The following ERN2 variants were observed in gnomAD, a reference collection of about 807,000 sequenced individuals.
ERN2 encodes the protein serine/threonine-protein kinase/endoribonuclease IRE2.
A neutral mutation model predicts 107.9 loss-of-function variants in ERN2; 111 were observed. That is an observed-to-expected ratio of 1.03 (90% CI 0.88 to 1.20). The LOEUF is 1.20. ERN2 is among the 50% of genes most tolerant of loss of function. The pLI is 0.00. For missense variants in ERN2, 1,225 were observed against 1,197.9 expected, an observed-to-expected ratio of 1.02 and a Z score of -0.33; for synonymous variants, 524 against 501.7, an observed-to-expected ratio of 1.04 and a Z score of -0.59.
At chr16:23,697,425 A>T (rs1959874891) in intron 13 of ERN2, 1 of 152,168 alleles carries the variant, frequency 6.6e-6, no homozygotes, top group Non-Finnish European at 1.5e-5. Flanking sequence ...GAGAGCAGGG[A>T]CAGAGCTGCT....
rs777734674 is a variant in ERN2 at position 23,710,901 on chromosome 16, C to A, written c.199+12G>T. On this transcript the variant is annotated intron_variant, in intron 2 of 21. Transcript: ENST00000256797. ...GGGCCCAAGGAGGGAGGAGGGACCACCTCTTGCTCACCATCCCTCAGAGTC... is the reference window on the plus strand; with the variant it reads ...GGGCCCAAGGAGGGAGGAGGGACCAACTCTTGCTCACCATCCCTCAGAGTC... 33 of 1,590,408 alleles carry A rather than the reference C, an allele frequency of 2.1e-5. No individual in the cohort carries two copies. Among genetic ancestry groups the A allele is most frequent in the Non-Finnish European group, 2.8e-5 (32 of 1,158,366 alleles).
chr16:23,699,545 T>G (rs999449268), intron 13 of ERN2, among the ~76,000 whole-genome samples: 3 of 152,178 alleles, frequency 2.0e-5, no homozygotes, highest in Non-Finnish European at 4.4e-5. Context: ...TGCCTTAGCC[T>G]TCTGAGTAGC....
At chr16:23,693,414 C>A (rs1959677843) in intron 17 of ERN2, among the ~76,000 whole-genome samples, 1 of 151,834 alleles carries the variant, frequency 6.6e-6, no homozygotes, top group Non-Finnish European at 1.5e-5. Flanking sequence ...ATGGCATAAA[C>A]CCCATCTCTA....
rs2141002343 is a variant in ERN2, at chr16:23,690,484, T to C, written c.*347A>G. 1 of 460,410 alleles carries C rather than the reference T, an allele frequency of 2.2e-6. No individual in the cohort carries two copies. The highest frequency in any genetic ancestry group is 4.0e-5 in the East Asian group (1 of 25,238). 28.5% of individuals were successfully genotyped at this position (460,410 alleles called of 1,614,324 possible). A position where few individuals can be genotyped will look rare whatever the true frequency, so the allele number is the denominator to read the frequency against. ...TTGTGGGGGAAAGGGGGTGACAGTG[T>C]CTCTCTGTGGACCAGGCTGGAGTGC... is the stretch of plus-strand genomic sequence containing the variant. On this transcript the variant is annotated 3_prime_UTR_variant, in exon 22 of 22. Transcript: ENST00000256797.
intron 13 of ERN2, among the ~76,000 whole-genome samples, chr16:23,697,538 C>G (rs750534308): frequency 1.2e-4 from 18 of 152,098 alleles, no homozygotes; most frequent in Non-Finnish European, 2.4e-4. Context: ...TGTCTGCTCT[C>G]AGTACTCTCG....
rs1960328113 is a variant in ERN2, at chr16:23,706,691, G to A, written c.487+63C>T. The A allele has an allele frequency of 6.0e-6, 7 of 1,158,998 alleles. No homozygotes were observed. The South Asian group carries it at 7.7e-5, about 13-fold the overall frequency. The allele number at this position is 1,158,998 out of a possible 1,614,324, so 71.8% of individuals were successfully genotyped here. ...AATTCAACTTGGTTAGCCACAGCTA[G>A]ATCTCAGCAGAGCAAAAGGGGAGGC... On this transcript the variant is annotated intron_variant, in intron 6 of 21. Coordinates refer to ENST00000256797, the MANE Select transcript of ERN2 (RefSeq NM_033266.4).
chr16:23,698,907 G>C (rs1959934309), intron 13 of ERN2, among the ~76,000 whole-genome samples: 1 of 152,176 alleles, frequency 6.6e-6, no homozygotes, highest in East Asian at 1.9e-4. Context: ...CAAGTTAAAT[G>C]AAAGTTGGCT....
chr16:23,701,716 A>G (rs1025769510), intron 11 of ERN2, among the ~76,000 whole-genome samples: 1 of 151,714 alleles, frequency 6.6e-6, no homozygotes, highest in African/African-American at 2.4e-5. Context: ...TGCAGCCTCA[A>G]ACTCTTGGGC....
chr16:23,690,912 G>A lies in ERN2; in HGVS notation c.2700C>T (p.Cys900=), dbSNP rs56157518. The A allele has an allele frequency of 4.7e-3, 7,575 of 1,614,106 alleles. 24 individuals are homozygous for A. Among genetic ancestry groups the A allele is most frequent in the Non-Finnish European group, 5.9e-3 (7,019 of 1,180,028 alleles). Residue 900 remains cysteine, a synonymous_variant, in exon 22 of 22, where the codon TGC becomes TGT. Transcript: ENST00000256797. ...AGGGCAGGAAGAGGCTCTCAGAGGC[G>A]CAGCTCCTCATGGCTCGGTGCGTGT... The part of the protein sequence containing the change: ...LLHTHRAMRS[C]ASESLFLPYY...
chr16:23,696,015 G>T, intron 13 of ERN2, 37 bp from the exon 14 acceptor site: 1 of 1,514,588 alleles, frequency 6.6e-7, no homozygotes, highest in Non-Finnish European at 9.2e-7. Context: ...GGGAGCCTCT[G>T]CCCACCTTTG....
chr16:23,706,900 T>C (rs948951767), intron 5 of ERN2, 39 bp from the exon 6 acceptor site: 3 of 1,575,168 alleles, frequency 1.9e-6, no homozygotes, highest in Non-Finnish European at 2.6e-6. Flanking sequence ...CAAGTTGGCA[T>C]GGGAAGAGGT....
intron 14 of ERN2, 146 bp downstream of exon 14, chr16:23,695,748 C>G: frequency 4.7e-6 from 1 of 211,052 alleles, no homozygotes; most frequent in Non-Finnish European, 8.6e-6. Flanking sequence ...AAAAAAAAAA[C>G]AGATAAAGGA....
rs771427226 is a variant in ERN2 at position 23,710,188 on chromosome 16, T to A, written c.290A>T (p.Lys97Ile). The change falls in exon 4 of 22, where the codon AAA (lysine) becomes ATA (isoleucine). Residue 97 changes from lysine (K) to isoleucine (I), a missense_variant. By Grantham distance (102) the Lys-to-Ile change is moderately radical. Transcript: ENST00000256797. ...GATACAAACCATTAATCCCTGTTGT[T>A]TTTGGGTCCCCAAGATGTACAGGCT... The part of the protein sequence containing the change: ...DGSLYILGTQ[K>I]QQGLMKLPFT... The A allele has an allele frequency of 2.0e-5, 32 of 1,613,460 alleles. No homozygotes were observed. Among genetic ancestry groups the A allele is most frequent in the Non-Finnish European group, 2.6e-5 (31 of 1,179,504 alleles).
chr16:23,692,017 C>T lies in ERN2; in HGVS notation c.2322G>A (p.Gln774=). The part of the protein sequence containing the change: ...PLPQPRPSAP[Q]VLAHPFFWSR... ...TCCAAAAGAAGGGGTGGGCCAGCAC[C>T]TGGGGGGCAGAGGGGCGTGGCTGCG... is the stretch of plus-strand genomic sequence containing the variant. The change falls in exon 19 of 22, where the codon CAG becomes CAA. Residue 774 remains glutamine, a synonymous_variant. Transcript: ENST00000256797. The T allele has an allele frequency of 1.9e-6, 3 of 1,613,906 alleles. No homozygotes were observed. Among genetic ancestry groups the T allele is most frequent in the Non-Finnish European group, 2.5e-6 (3 of 1,179,966 alleles).
Position 23,706,858 on chromosome 16 carries a change from C to T in ERN2, c.383G>A (p.Arg128Gln), listed in dbSNP as rs534088680. 1.7e-5 allele frequency: 27 copies of T among 1,612,910 alleles called. No homozygotes were observed. The highest frequency in any genetic ancestry group is 1.3e-4 in the Admixed American group (8 of 59,990). The change falls in exon 6 of 22, where the codon CGG becomes CAG. Residue 128 changes from arginine (R) to glutamine (Q), a missense_variant. By Grantham distance (43) the Arg-to-Gln change is conservative (BLOSUM62 1). Coordinates refer to ENST00000256797, the MANE Select transcript of ERN2 (RefSeq NM_033266.4). ...CACCACAAACCAGGCATCCTGCTTC[C>T]GGCCTGTGGAGGTGGAAAGTGTGTT... ...RSSDGVFYTG[R>Q]KQDAWFVVDP...
At chr16:23,701,996 T>A (rs375502499) in intron 11 of ERN2, among the ~76,000 whole-genome samples, 156 bp downstream of exon 11, 1 of 132,886 alleles carries the variant, frequency 7.5e-6, no homozygotes. Context: ...CAACAACAAG[T>A]TGTGTTGTTC....
chr16:23,700,819 C>T (rs1597149221), intron 12 of ERN2, 115 bp from the exon 13 acceptor site: 12 of 1,470,654 alleles, frequency 8.2e-6, no homozygotes, highest in South Asian at 5.3e-5. Flanking sequence ...AGAGCAAGAT[C>T]GCAGGGGCCT....
chr16:23,693,607 T>A (rs1428338326), intron 17 of ERN2, among the ~76,000 whole-genome samples: 15 of 150,808 alleles, frequency 9.9e-5, no homozygotes, highest in African/African-American at 3.7e-4. Flanking sequence ...AAAAAATATA[T>A]ATATATATAG....
At position 23,690,825 on chromosome 16, in the gene ERN2, C is replaced by T. The variant is rs549572318; in HGVS notation, c.*6G>A. On this transcript the variant is annotated 3_prime_UTR_variant, in exon 22 of 22. Transcript: ENST00000256797. Reference sequence around the variant, plus strand: ...CGGAGACCATCTGTGTGGCATCCAGCCCACCTCACCTCCCTGTGGCCCCAG... The same window carrying T: ...CGGAGACCATCTGTGTGGCATCCAGTCCACCTCACCTCCCTGTGGCCCCAG... 2 of 1,607,160 alleles carry T rather than the reference C, an allele frequency of 1.2e-6. No individual in the cohort carries two copies. Among genetic ancestry groups the T allele is most frequent in the East Asian group, 2.2e-5 (1 of 44,874 alleles).
Sources: gnomAD v4.1 joint callset for allele counts (sites outside exome capture counted in the v4.1 genomes callset) on GRCh38, gnomAD v4.1.1 for gene constraint, MANE v1.5 for transcripts, NCBI Gene and HGNC (gene_info 2026-07-23, HGNC 2026-07-21) for gene names.